Variants in POLR2F observed in about 807,000 individuals in gnomAD.
POLR2F encodes RNA polymerase II, I and III subunit F, also known as DNA-directed RNA polymerases I, II, and III subunit RPABC2.
In POLR2F, 12 loss-of-function variants were observed where a neutral mutation model predicts 22.7. The ratio of observed to expected loss-of-function variants is 0.53; its 90% CI spans 0.34 to 0.86. The LOEUF (loss-of-function observed/expected upper bound fraction) is 0.86, where lower values mean the gene tolerates loss of function less well. Ranked by LOEUF, POLR2F falls within the 40% of genes least tolerant of loss-of-function variation. The pLI is 0.02. For missense variants in POLR2F, 126 were observed against 171.5 expected, an observed-to-expected ratio of 0.73 and a Z score of 1.48; for synonymous variants, 57 against 66.0, an observed-to-expected ratio of 0.86 and a Z score of 0.66.
At position 38,017,644 on chromosome 22, in the gene POLR2F, G is replaced by A. The variant is rs973782454; in HGVS notation, c.121-8225G>A. ...GCAGTCCCGTCAGCATCTCAGGGCT[G>A]GAGGGGCCCTCTGAGGCTGTGGCCT... On this transcript the variant is annotated intron_variant, in intron 1 of 2. Transcript: ENST00000333418. This position sits in a 1 kb window ranked among gnomAD's most constrained non-coding sequence, Gnocchi z 4.1. Among the ~76,000 whole-genome samples, 1 of 152,196 alleles carries A rather than the reference G, an allele frequency of 6.6e-6. No homozygotes were observed. Among genetic ancestry groups the A allele is most frequent in the Non-Finnish European group, 1.5e-5 (1 of 68,034 alleles).
chr22:37,964,120 A>G (rs888987641), intron 3 of POLR2F, among the ~76,000 whole-genome samples: 6 of 151,954 alleles, frequency 3.9e-5, no homozygotes, highest in African/African-American at 1.4e-4. Context: ...TAAAAAAAAA[A>G]AAAAAGACAT....
At chr22:37,958,171 C>T (rs1435958445) in intron 2 of POLR2F, among the ~76,000 whole-genome samples, 1 of 151,646 alleles carries the variant, frequency 6.6e-6, no homozygotes, top group Admixed American at 6.6e-5. Context: ...CACCACCATG[C>T]CCAGCTCAGA....
rs917710253 is a variant in POLR2F, at chr22:37,986,301, C to T, written c.111C>T (p.Ile37=). Residue 37 remains isoleucine (I), a synonymous_variant, in exon 1 of 3, where the codon ATC becomes ATT. Coordinates refer to the POLR2F transcript ENST00000333418. The surrounding 1 kb of genome is among the most constrained non-coding windows in gnomAD (Gnocchi z 4.7). ...CGCCCGCTGCCTGCCTGCCTGGCAT[C>T]TCTCTCTCCCGGTGGGTCCCCACTC... The T allele has an allele frequency of 3.6e-5, 56 of 1,537,022 alleles. No individual in the cohort carries two copies. The highest frequency in any genetic ancestry group is 4.6e-5 in the Non-Finnish European group (53 of 1,146,352).
At chr22:38,025,166 G>C (rs2084995187) in intron 1 of POLR2F, among the ~76,000 whole-genome samples, 1 of 152,088 alleles carries the variant, frequency 6.6e-6, no homozygotes, top group Admixed American at 6.6e-5. Flanking sequence ...CCATTTCAGG[G>C]CTTAGCTCAG....
intron 1 of POLR2F, among the ~76,000 whole-genome samples, chr22:37,995,183 C>G (rs1323986699): frequency 6.6e-6 from 1 of 152,222 alleles, no homozygotes; most frequent in Non-Finnish European, 1.5e-5. Context: ...ATCAGATTTG[C>G]TGTCAGGGGC....
intron 3 of POLR2F, among the ~76,000 whole-genome samples, chr22:37,961,882 G>A (rs1239363465): frequency 6.6e-6 from 1 of 152,022 alleles, no homozygotes; most frequent in African/African-American, 2.4e-5. Flanking sequence ...GTGGGAAATG[G>A]TGGGTATCTG....
At chr22:38,035,487 A>G (rs1275483041) in intron 5 of POLR2F, among the ~76,000 whole-genome samples, 6 of 152,328 alleles carry the variant, frequency 3.9e-5, no homozygotes, top group African/African-American at 1.4e-4. Flanking sequence ...GGGGCCTGGC[A>G]GGAGCACGTT....
intron 1 of POLR2F, among the ~76,000 whole-genome samples, chr22:38,020,471 G>A (rs575838835): frequency 2.0e-5 from 3 of 148,132 alleles, no homozygotes; most frequent in Admixed American, 6.8e-5. Context: ...TAGGGACGGC[G>A]TTTCACCACA....
At chr22:37,983,673 C>T, upstream of POLR2F, 1 of 1,571,526 alleles carries the variant, frequency 6.4e-7, no homozygotes, top group Non-Finnish European at 8.6e-7. This position sits in a 1 kb window ranked among gnomAD's most constrained non-coding sequence, Gnocchi z 9.5. Flanking sequence ...CCCGATCCGC[C>T]GCCGCCGCCG....
At chr22:37,973,514 G>A (rs777647601), downstream of POLR2F, 5 of 1,607,382 alleles carry the variant, frequency 3.1e-6, no homozygotes, top group South Asian at 3.3e-5. Context: ...GGACAGTGTC[G>A]TATATACTGG....
upstream of POLR2F, among the ~76,000 whole-genome samples, chr22:37,981,626 C>G (rs1033992896): frequency 2.0e-5 from 3 of 152,126 alleles, no homozygotes; most frequent in African/African-American, 7.2e-5. Flanking sequence ...TCGTTGGGCT[C>G]GTACTGTGGT....
chr22:38,004,699 C>G (rs994973129), intron 1 of POLR2F, among the ~76,000 whole-genome samples: 1 of 152,234 alleles, frequency 6.6e-6, no homozygotes, highest in African/African-American at 2.4e-5. Context: ...AATCCTAATA[C>G]TTTGGGGGGC....
At chr22:38,009,216 C>A (rs2084850854) in intron 1 of POLR2F, among the ~76,000 whole-genome samples, 2 of 152,212 alleles carry the variant, frequency 1.3e-5, no homozygotes, top group South Asian at 4.1e-4. Flanking sequence ...CCTGTGGCGA[C>A]ATGGGCTCGT....
Position 37,980,195 on chromosome 22 carries a change from C to T in POLR2F, c.293+13025C>T, listed in dbSNP as rs1932353757. Among the ~76,000 whole-genome samples the T allele has an allele frequency of 6.6e-6, 1 of 152,132 alleles. No individual in the cohort carries two copies. The highest frequency in any genetic ancestry group is 2.1e-4 in the South Asian group (1 of 4,826). The stretch of plus-strand genomic sequence containing the variant: ...TCAGGGAGTGGGATGTGGGCACCCT[C>T]TCTGACGGCTGGGACCAGGGGAGGG... On this transcript the variant is annotated intron_variant, in intron 4 of 4. Transcript: ENST00000405557. This position sits in a 1 kb window ranked among gnomAD's most constrained non-coding sequence, Gnocchi z 4.1.
intron 4 of POLR2F, among the ~76,000 whole-genome samples, chr22:37,976,496 G>C (rs1323655614): frequency 6.6e-6 from 1 of 152,208 alleles, no homozygotes; most frequent in Non-Finnish European, 1.5e-5. Context: ...CACAAAGTAG[G>C]ACTCAGAGCG....
downstream of POLR2F, chr22:37,972,797 G>A (rs1932098875): frequency 1.9e-5 from 3 of 155,380 alleles, no homozygotes; most frequent in South Asian, 1.9e-4. Flanking sequence ...TCAAGGTCAT[G>A]GAGGTTGTAG....
chr22:37,979,203 T>A (rs796394617), intron 4 of POLR2F, among the ~76,000 whole-genome samples: 1 of 152,114 alleles, frequency 6.6e-6, no homozygotes, highest in African/African-American at 2.4e-5. Context: ...GTTCAAGCGA[T>A]TCTCCTGCCT....
chr22:38,031,750 T>G lies in POLR2F; in HGVS notation c.453-9318T>G, dbSNP rs549712267. On this transcript the variant is annotated intron_variant, in intron 5 of 5. Coordinates refer to the POLR2F transcript ENST00000407936. This position sits in a 1 kb window ranked among gnomAD's most constrained non-coding sequence, Gnocchi z 4.1. ...ATGTCTCAAACCCGCGTCACCATGC[T>G]GCCCCCAGACCAACCCCTCCCCGCT... Among the ~76,000 whole-genome samples the G allele has an allele frequency of 6.6e-6, 1 of 152,318 alleles. No homozygotes were observed. Among genetic ancestry groups the G allele is most frequent in the South Asian group, 2.1e-4 (1 of 4,828 alleles).
upstream of POLR2F, among the ~76,000 whole-genome samples, chr22:37,982,023 A>T (rs1932412875): frequency 6.6e-6 from 1 of 151,932 alleles, no homozygotes; most frequent in South Asian, 2.1e-4. Context: ...CCCAATCTCT[A>T]CCCAACTGTG....
Sources: allele counts gnomAD v4.1 joint callset (sites outside exome capture counted in the v4.1 genomes callset), GRCh38; gene constraint gnomAD v4.1.1; non-coding constraint Gnocchi (gnomAD v3.1); transcripts MANE v1.5; gene names NCBI Gene and HGNC (gene_info 2026-07-23, HGNC 2026-07-21).